Variants in MRPL13 observed in about 807,000 individuals in gnomAD.
MRPL13 encodes the protein mitochondrial ribosomal protein L13.
A neutral mutation model predicts 29.0 loss-of-function variants in MRPL13; 33 were observed. The observed-to-expected ratio is 1.14, with a 90% CI of 0.86 to 1.52. MRPL13 has a LOEUF of 1.52. MRPL13 is among the 40% of genes most tolerant of loss of function. The pLI is 0.00. For synonymous variants in MRPL13, 77 were observed against 68.4 expected, an observed-to-expected ratio of 1.13 and a Z score of -0.62; for missense variants, 227 against 216.7, an observed-to-expected ratio of 1.05 and a Z score of -0.30.
chr8:120,441,960 A>G (rs1284521479), intron 2 of MRPL13, among the ~76,000 whole-genome samples: 1 of 152,210 alleles, frequency 6.6e-6, no homozygotes, highest in Non-Finnish European at 1.5e-5. Flanking sequence ...TCATTGTACT[A>G]TTCTTTGACC....
chr8:120,412,088 T>C (rs1812746370), intron 6 of MRPL13, among the ~76,000 whole-genome samples: 1 of 152,162 alleles, frequency 6.6e-6, no homozygotes, highest in Admixed American at 6.5e-5. Context: ...TGCACATACA[T>C]GATTTAACAG....
intron 4 of MRPL13, among the ~76,000 whole-genome samples, chr8:120,424,325 A>G (rs1294982159): frequency 1.3e-5 from 2 of 152,170 alleles, no homozygotes; most frequent in African/African-American, 4.8e-5. Context: ...ACAGGAAAAA[A>G]AATAAAAAAT....
At chr8:120,432,155 G>C (rs369340942) in intron 2 of MRPL13, 32 bp from the exon 3 acceptor site, 7 of 1,503,298 alleles carry the variant, frequency 4.7e-6, no homozygotes, top group Non-Finnish European at 6.3e-6. Flanking sequence ...GATTTTGTAA[G>C]AAAAATAAAA....
chr8:120,409,768 T>A (rs1266428293), intron 6 of MRPL13, among the ~76,000 whole-genome samples: 2 of 152,178 alleles, frequency 1.3e-5, no homozygotes, highest in Non-Finnish European at 2.9e-5. Context: ...TGGGCAATAG[T>A]ACCCATAGTA....
chr8:120,396,859 AGATATTTTGGCAAAGAT>A (rs1812530057), intron 6 of MRPL13, among the ~76,000 whole-genome samples: 2 of 152,264 alleles, frequency 1.3e-5, no homozygotes, highest in South Asian at 4.1e-4. Flanking sequence ...CAAACTAAAC[AGATATTTTGGCAAAGAT>A]GACTGATTAG....
chr8:120,436,072 T>C (rs955976875), intron 2 of MRPL13, among the ~76,000 whole-genome samples: 4 of 152,056 alleles, frequency 2.6e-5, no homozygotes, highest in Admixed American at 2.6e-4. Flanking sequence ...AACAAACAAA[T>C]AAATGAATAT....
intron 6 of MRPL13, among the ~76,000 whole-genome samples, chr8:120,401,085 G>A (rs1429743238): frequency 6.6e-6 from 1 of 152,076 alleles, no homozygotes; most frequent in Non-Finnish European, 1.5e-5. Flanking sequence ...AAGAAGAGCT[G>A]GTACCATGGC....
rs1447124474 is a variant in MRPL13, at chr8:120,425,364, T to C, written c.248A>G (p.Tyr83Cys). ...EQKVYSSHTG[Y>C]PGGFRQVTAA... ...TGTTACTTGTCTAAATCCACCTGGG[T>C]AGCTGTTAAAAGGAGAAAAGACATT... Residue 83 changes from tyrosine (Y) to cysteine (C), a missense_variant and splice_region_variant, in exon 4 of 7, where the codon TAC (tyrosine) becomes TGC (cysteine). Tyr to Cys is a radical substitution (Grantham distance 194, BLOSUM62 -2). Coordinates refer to ENST00000306185, the MANE Select transcript of MRPL13 (RefSeq NM_014078.6). 2 of 1,611,452 alleles carry C rather than the reference T, an allele frequency of 1.2e-6. No homozygotes were observed. Among genetic ancestry groups the C allele is most frequent in the Non-Finnish European group, 1.7e-6 (2 of 1,178,110 alleles).
At chr8:120,422,578 A>G (rs1051464665) in intron 4 of MRPL13, among the ~76,000 whole-genome samples, 3 of 148,206 alleles carry the variant, frequency 2.0e-5, no homozygotes, top group African/African-American at 7.4e-5. Context: ...ATATATAAAC[A>G]TATATATAAA....
rs140558478 is a variant in MRPL13, at chr8:120,432,038, C to T, written c.237G>A (p.Ser79=). 1.3e-4 allele frequency: 212 copies of T among 1,598,378 alleles called. No homozygotes were observed. The African/African-American group carries it at 2.0e-3, about 15-fold the overall frequency. The change falls in exon 3 of 7, where the codon TCG becomes TCA. Residue 79 remains serine, a synonymous_variant. Transcript: ENST00000306185. ...CAACAGCATTATCTTACCCAGTATG[C>T]GAAGAGTATACTTTTTGTTCCCATT... The part of the protein sequence containing the change: ...GNKWEQKVYS[S]HTGYPGGFRQ...
rs1812638557 is a variant in MRPL13, at chr8:120,404,185, ATAAT to A, written c.516-8064_516-8061del. On this transcript the variant is annotated intron_variant, in intron 6 of 6. Coordinates refer to ENST00000306185, the MANE Select transcript of MRPL13 (RefSeq NM_014078.6). ...TTATTATCCTATCCAGCTGGTTCAT[ATAAT>A]TACAAAAGAGGTGGTGGTAATGCAA... Among the ~76,000 whole-genome samples, 6 of 152,310 alleles carry A rather than the reference ATAAT, an allele frequency of 3.9e-5. No individual in the cohort carries two copies. The South Asian group carries it at 1.2e-3, about 32-fold the overall frequency.
At position 120,443,302 on chromosome 8, in the gene MRPL13, C is replaced by A; in HGVS notation, c.34G>T (p.Ala12Ser). Reference sequence around the variant, plus strand: ...AGATACCATATTCTAGCAAAAGTGGCCCATTGCTTGGGGGGGAAAAAAAAA... The same window carrying A: ...AGATACCATATTCTAGCAAAAGTGGACCATTGCTTGGGGGGGAAAAAAAAA... ...SSFSRAPQQW[A>S]TFARIWYLLD... The change falls in exon 2 of 7, where the codon GCC (alanine) becomes TCC (serine). Residue 12 changes from alanine to serine, a missense_variant. Transcript: ENST00000306185. The A allele has an allele frequency of 1.3e-6, 2 of 1,553,460 alleles. No individual in the cohort carries two copies. Among genetic ancestry groups the A allele is most frequent in the Admixed American group, 2.1e-5 (1 of 48,420 alleles).
chr8:120,425,515 CT>C (rs1812922787), intron 3 of MRPL13, 149 bp from the exon 4 acceptor site: 1 of 546,616 alleles, frequency 1.8e-6, no homozygotes, highest in African/African-American at 1.9e-5. Flanking sequence ...GTAATCTACG[CT>C]TTTTGAAATG....
chr8:120,429,552 A>C (rs1488779843), intron 3 of MRPL13, among the ~76,000 whole-genome samples: 4 of 152,126 alleles, frequency 2.6e-5, no homozygotes, highest in Non-Finnish European at 5.9e-5. Flanking sequence ...CCCCTTATAA[A>C]AGCCAAAATT....
chr8:120,406,561 G>GTA (rs1390548860), intron 6 of MRPL13, among the ~76,000 whole-genome samples: 1 of 34,132 alleles, frequency 2.9e-5, no homozygotes, highest in African/African-American at 4.8e-5. Flanking sequence ...GTGCATGTGT[G>GTA]TGTGTGTGTG....
intron 5 of MRPL13, among the ~76,000 whole-genome samples, chr8:120,418,412 T>C (rs1055522148): frequency 4.6e-5 from 7 of 152,108 alleles, no homozygotes. Context: ...CTGATGTATG[T>C]ATTTTCATTA....
At chr8:120,399,139 G>A (rs781056366) in intron 6 of MRPL13, among the ~76,000 whole-genome samples, 68 of 152,062 alleles carry the variant, frequency 4.5e-4, no homozygotes, top group Non-Finnish European at 8.4e-4. Flanking sequence ...CAGGAAATCC[G>A]GAGAACCCCA....
intron 3 of MRPL13, among the ~76,000 whole-genome samples, chr8:120,426,618 C>T (rs866424628): frequency 3.3e-5 from 5 of 152,182 alleles, no homozygotes; most frequent in Non-Finnish European, 5.9e-5. Flanking sequence ...TTTATTCTGA[C>T]GTATTTGGAA....
chr8:120,403,645 A>G (rs1225123474), intron 6 of MRPL13, among the ~76,000 whole-genome samples: 1 of 152,210 alleles, frequency 6.6e-6, no homozygotes, highest in Non-Finnish European at 1.5e-5. Flanking sequence ...AATGTTCAAG[A>G]AAATAAATAT....
Sources: allele counts gnomAD v4.1 joint callset (sites outside exome capture counted in the v4.1 genomes callset), GRCh38; gene constraint gnomAD v4.1.1; transcripts MANE v1.5; gene names NCBI Gene and HGNC (gene_info 2026-07-23, HGNC 2026-07-21).